Variants in CSMD1 observed in about 807,000 individuals in gnomAD.
The protein encoded by CSMD1 is CUB and sushi domain-containing protein 1.
CSMD1 carries 213 observed loss-of-function variants against 417.5 expected under a neutral mutation model. That is an observed-to-expected ratio of 0.51 (90% CI 0.46 to 0.57). The LOEUF (loss-of-function observed/expected upper bound fraction) is 0.57, where lower values mean the gene tolerates loss of function less well. Among genes scored for constraint, CSMD1 ranks in the 20% least tolerant of loss-of-function variants. The pLI is 0.00. For synonymous variants in CSMD1, 2,862 were observed against 1,736.8 expected (o/e 1.65, Z -16.11); for missense variants, 6,923 against 4,529.7 (o/e 1.53, Z -15.17).
chr8:3,686,033 C>G (rs1189990779), intron 7 of CSMD1, among the ~76,000 whole-genome samples: 1 of 151,868 alleles, frequency 6.6e-6, no homozygotes, highest in African/African-American at 2.4e-5. Flanking sequence ...ACCCATTAAC[C>G]AACCAATGCT....
intron 1 of CSMD1, among the ~76,000 whole-genome samples, chr8:4,739,664 ACACTTTGTGTCTAT>A (rs1038578937): frequency 4.6e-5 from 7 of 152,176 alleles, no homozygotes; most frequent in African/African-American, 1.7e-4. Context: ...CGGACAGTCC[ACACTTTGTGTCTAT>A]CACTTTTTGT....
At chr8:4,346,352 A>G (rs1800777219) in intron 3 of CSMD1, among the ~76,000 whole-genome samples, 1 of 152,140 alleles carries the variant, frequency 6.6e-6, no homozygotes, top group South Asian at 2.1e-4. Flanking sequence ...ATGCCCATCT[A>G]TTTCCATACG....
rs551979632 is a variant in CSMD1 at position 3,085,369 on chromosome 8, A to T, written c.7474+1728T>A. Among the ~76,000 whole-genome samples the T allele has an allele frequency of 1.4e-4, 22 of 152,348 alleles. 1 individual carries two copies. In the South Asian group the frequency reaches 4.4e-3, roughly 30 times the overall value. ...CACAGATCTGTTTTAGAAAAATGAT[A>T]CTTCTTAAATATTTTATAATTTGAG... On this transcript the variant is annotated intron_variant, in intron 49 of 69. Transcript: ENST00000635120.
At chr8:3,875,564 G>C (rs1263126247) in intron 5 of CSMD1, among the ~76,000 whole-genome samples, 2 of 152,152 alleles carry the variant, frequency 1.3e-5, no homozygotes, top group African/African-American at 2.4e-5. Context: ...GCTCCTTCAG[G>C]AGGAATGTTT....
chr8:3,656,507 G>T (rs958715226), intron 7 of CSMD1, among the ~76,000 whole-genome samples: 11 of 152,182 alleles, frequency 7.2e-5, no homozygotes, highest in Non-Finnish European at 1.3e-4. Flanking sequence ...CAATAGTGCA[G>T]TCCTCAGTCT....
In CSMD1 at chr8:3,347,984, C is replaced by CT; in HGVS notation, c.3474+7dup. The CT allele has an allele frequency of 1.3e-6, 2 of 1,555,964 alleles. No homozygotes were observed. The highest frequency in any genetic ancestry group is 1.4e-5 in the African/African-American group (1 of 72,554). On this transcript the variant is annotated splice_region_variant and intron_variant, in intron 22 of 69. Coordinates refer to ENST00000635120, the MANE Select transcript of CSMD1 (RefSeq NM_033225.6). ...TGGAGTCATCATGTTGGAGAAGATT[C>CT]TTTTTACCTTTAGAGTATCTCCTTC...
chr8:3,852,065 C>T (rs766292618), intron 5 of CSMD1, among the ~76,000 whole-genome samples: 1 of 152,146 alleles, frequency 6.6e-6, no homozygotes, highest in Non-Finnish European at 1.5e-5. Context: ...TTGAGGCAGA[C>T]TGGAGGAGAT....
intron 7 of CSMD1, among the ~76,000 whole-genome samples, chr8:3,684,661 T>C (rs191912022): frequency 2.7e-5 from 4 of 149,986 alleles, no homozygotes; most frequent in African/African-American, 9.9e-5. Flanking sequence ...GCAGTGGCGC[T>C]ATCTCCGCTC....
At position 4,232,664 on chromosome 8, in the gene CSMD1, TA is replaced by T. The variant is rs200800392; in HGVS notation, c.415+187288del. 6.5e-3 allele frequency among the ~76,000 whole-genome samples: 986 copies of T among 152,232 alleles called. 10 individuals are homozygous for T. The highest frequency in any genetic ancestry group is 0.014 in the Middle Eastern group (4 of 292). On this transcript the variant is annotated intron_variant, in intron 3 of 69. Transcript: ENST00000635120. ...CATCACTAAATCTTACTTTCTTAAC[TA>T]AAACTCTCACCTAAACTGAAGGAGA...
At chr8:4,763,981 T>C (rs1014876995) in intron 1 of CSMD1, among the ~76,000 whole-genome samples, 1 of 152,178 alleles carries the variant, frequency 6.6e-6, no homozygotes, top group Non-Finnish European at 1.5e-5. Flanking sequence ...CAGACCCTGA[T>C]AGAAAACCAA....
rs1340961894 is a variant in CSMD1, at chr8:3,770,023, C to A, written c.819-15981G>T. Among the ~76,000 whole-genome samples the A allele has an allele frequency of 3.9e-5, 6 of 152,244 alleles. 1 individual carries two copies. In the South Asian group the frequency reaches 1.2e-3, roughly 32 times the overall value. Reference sequence around the variant, plus strand: ...TTTTCTTCCTTTTTTTAGATCCGGCCAATTTTCTACCTTTGCTGTGATTCC... The same window carrying A: ...TTTTCTTCCTTTTTTTAGATCCGGCAAATTTTCTACCTTTGCTGTGATTCC... On this transcript the variant is annotated intron_variant, in intron 5 of 69. Transcript: ENST00000635120.
intron 29 of CSMD1, among the ~76,000 whole-genome samples, chr8:3,216,355 G>A (rs1030742755): frequency 6.6e-6 from 1 of 152,116 alleles, no homozygotes; most frequent in African/African-American, 2.4e-5. Context: ...ACAATGTACT[G>A]AGGATCTAGT....
chr8:4,362,010 T>G (rs1005158347), intron 3 of CSMD1, among the ~76,000 whole-genome samples: 1 of 151,910 alleles, frequency 6.6e-6, no homozygotes, highest in Non-Finnish European at 1.5e-5. Flanking sequence ...ATCCTTAGAT[T>G]AAGAAAAAGC....
At chr8:3,879,585 A>G (rs1806066513) in intron 5 of CSMD1, among the ~76,000 whole-genome samples, 1 of 152,210 alleles carries the variant, frequency 6.6e-6, no homozygotes, top group South Asian at 2.1e-4. Flanking sequence ...ACAATCACAT[A>G]GCTATCAGAA....
At position 3,216,784 on chromosome 8, in the gene CSMD1, G is replaced by T. The variant is rs143968422; in HGVS notation, c.4673-2093C>A. Among the ~76,000 whole-genome samples, 10 of 152,354 alleles carry T rather than the reference G, an allele frequency of 6.6e-5. No homozygotes were observed. The South Asian group carries it at 8.3e-4, about 13-fold the overall frequency. On this transcript the variant is annotated intron_variant, in intron 29 of 69. Coordinates refer to ENST00000635120, the MANE Select transcript of CSMD1 (RefSeq NM_033225.6). ...GCTTTCCTGCATCAGAGGCCAGGTG[G>T]ATTGCCTCAGCCAGGATTTGTGAAT...
intron 3 of CSMD1, among the ~76,000 whole-genome samples, chr8:4,268,820 C>T (rs537463322): frequency 6.6e-6 from 1 of 151,948 alleles, no homozygotes; most frequent in East Asian, 1.9e-4. Flanking sequence ...GGTTAATAGC[C>T]CCCAAGTAAT....
At chr8:4,957,816 G>A (rs762384164) in intron 1 of CSMD1, among the ~76,000 whole-genome samples, 4 of 152,140 alleles carry the variant, frequency 2.6e-5, no homozygotes, top group Admixed American at 6.5e-5. Flanking sequence ...TAGCTAAGTA[G>A]GTGGATAGTA....
intron 54 of CSMD1, among the ~76,000 whole-genome samples, chr8:2,983,896 T>G (rs1447854200): frequency 6.6e-6 from 1 of 152,200 alleles, no homozygotes; most frequent in Non-Finnish European, 1.5e-5. Context: ...AAATCGAAAC[T>G]GTCAGATTAA....
intron 3 of CSMD1, among the ~76,000 whole-genome samples, chr8:4,226,205 C>G (rs931501107): frequency 6.6e-6 from 1 of 152,072 alleles, no homozygotes; most frequent in African/African-American, 2.4e-5. Context: ...TTACTAACCA[C>G]TCTTTACCTT....
Sources: allele counts gnomAD v4.1 joint callset (sites outside exome capture counted in the v4.1 genomes callset), GRCh38; gene constraint gnomAD v4.1.1; transcripts MANE v1.5; gene names NCBI Gene and HGNC (gene_info 2026-07-23, HGNC 2026-07-21).